Variants in MAN2C1 observed in about 807,000 individuals in gnomAD.
The protein encoded by MAN2C1 is mannosidase alpha class 2C member 1.
MAN2C1 carries 111 observed loss-of-function variants against 126.9 expected under a neutral mutation model. That is an observed-to-expected ratio of 0.87 (90% CI 0.75 to 1.02). The LOEUF is 1.02. Ranked by LOEUF, MAN2C1 falls within the 50% of genes least tolerant of loss-of-function variation. MAN2C1 has a pLI of 0.00. For synonymous variants in MAN2C1, 567 were observed against 561.5 expected, an observed-to-expected ratio of 1.01 and a Z score of -0.14; for missense variants, 1,363 against 1,364.4, an observed-to-expected ratio of 1.00 and a Z score of 0.02.
In MAN2C1 at chr15:75,360,173, G is replaced by C. The variant is rs200769294; in HGVS notation, c.1623C>G (p.His541Gln). 1.2e-5 allele frequency: 19 copies of C among 1,612,700 alleles called. No homozygotes were observed. Among genetic ancestry groups the C allele is most frequent in the African/African-American group, 2.7e-5 (2 of 74,922 alleles). The change falls in exon 14 of 26, where the codon CAC becomes CAG. Residue 541 changes from histidine (H) to glutamine (Q), a missense_variant. Transcript: ENST00000267978. ...KGNRECERIL[H>Q]DVELLSSLAL... is the part of the protein sequence containing the mutation. ...CCAGGCTACTGAGCAGCTCCACGTCGTGCAGGATCCGCTCACATTCCCGGT... is the reference window on the plus strand; with the variant it reads ...CCAGGCTACTGAGCAGCTCCACGTCCTGCAGGATCCGCTCACATTCCCGGT...
chr15:75,361,984 C>A lies in MAN2C1; in HGVS notation c.1009-37G>T. 6.6e-7 allele frequency: 1 copy of A among 1,523,178 alleles called. No individual in the cohort carries two copies. The highest frequency in any genetic ancestry group is 9.1e-7 in the Non-Finnish European group (1 of 1,098,096). 94.4% of individuals were successfully genotyped at this position (1,523,178 alleles called of 1,614,324 possible). A position where few individuals can be genotyped will look rare whatever the true frequency, so the allele number is the denominator to read the frequency against. ...GGAAGTGGGAGGCAGCCCAGGTCAGCGCTGGACGGGGAGCAGGCAGGCGCT... is the reference window on the plus strand; with the variant it reads ...GGAAGTGGGAGGCAGCCCAGGTCAGAGCTGGACGGGGAGCAGGCAGGCGCT... On this transcript the variant is annotated intron_variant, in intron 8 of 25. Transcript: ENST00000267978. This position sits in a 1 kb window ranked among gnomAD's most constrained non-coding sequence, Gnocchi z 5.0.
In MAN2C1 at chr15:75,358,514, C is replaced by T; in HGVS notation, c.2351G>A (p.Ser784Asn). 5 of 1,613,520 alleles carry T rather than the reference C, an allele frequency of 3.1e-6. No homozygotes were observed. The highest frequency in any genetic ancestry group is 4.2e-6 in the Non-Finnish European group (5 of 1,180,022). The change falls in exon 20 of 26, where the codon AGC becomes AAC. Residue 784 changes from serine to asparagine, a missense_variant. Physicochemically the swap from Ser to Asn is conservative, Grantham distance 46. Around this residue, in one of 3 missense-constraint regions of MAN2C1, gnomAD observed 668 missense variants for 650.1 expected, o/e 1.03. Transcript: ENST00000267978. ...LLQISPNSRL[S>N]QEVVLDVGCP... ...GCCAACGTCCAGCACAACCTCCTGGCTAAGCCGACTGTTGGGGCTGATCTG... is the reference window on the plus strand; with the variant it reads ...GCCAACGTCCAGCACAACCTCCTGGTTAAGCCGACTGTTGGGGCTGATCTG...
At position 75,360,006 on chromosome 15, in the gene MAN2C1, A is replaced by G; in HGVS notation, c.1707-18T>C. 1 of 1,614,064 alleles carries G rather than the reference A, an allele frequency of 6.2e-7. No individual in the cohort carries two copies. The highest frequency in any genetic ancestry group is 1.3e-5 in the African/African-American group (1 of 75,066). On this transcript the variant is annotated intron_variant, in intron 14 of 25. Transcript: ENST00000267978. ...GAAGGAGCCTGCAGGGGCCAAGGGC[A>G]GGGATGGGAAGGCTGGGAGGGGCAG... is the stretch of plus-strand genomic sequence containing the variant.
intron 6 of MAN2C1, chr15:75,363,044 AG>A: frequency 2.4e-6 from 1 of 420,306 alleles, no homozygotes; most frequent in South Asian, 2.0e-5. Context: ...GGATCCTACG[AG>A]AAGTAGCAGG....
Position 75,356,393 on chromosome 15 carries a change from A to T in MAN2C1, c.2794T>A (p.Leu932Met), listed in dbSNP as rs778091345. 4.3e-6 allele frequency: 7 copies of T among 1,611,042 alleles called. No individual in the cohort carries two copies. The highest frequency in any genetic ancestry group is 5.9e-6 in the Non-Finnish European group (7 of 1,179,064). ...GCTGGGCTGGGGGCTGGCAGAGCCA[A>T]CAGGGGGAAGTTTAGGCTGTAGGCA... is the stretch of plus-strand genomic sequence containing the variant. Reference protein sequence around the residue: ...QAAYSLNFPLLALPAPSPAPA... With the variant: ...QAAYSLNFPLMALPAPSPAPA... Residue 932 changes from leucine to methionine, a missense_variant, in exon 24 of 26, where the codon TTG (leucine) becomes ATG (methionine). Around this residue, in one of 3 missense-constraint regions of MAN2C1, gnomAD observed 668 missense variants for 650.1 expected, o/e 1.03. Coordinates refer to ENST00000267978, the MANE Select transcript of MAN2C1 (RefSeq NM_006715.4). The surrounding 1 kb of genome is among the most constrained non-coding windows in gnomAD (Gnocchi z 5.8).
At chr15:75,367,044 T>G (rs1188855589) in intron 3 of MAN2C1, among the ~76,000 whole-genome samples, 1 of 152,160 alleles carries the variant, frequency 6.6e-6, no homozygotes, top group East Asian at 1.9e-4. Context: ...CTCTGCCTTC[T>G]TGTAGCCAGG....
rs1289677361 is a variant in MAN2C1 at position 75,361,132 on chromosome 15, G to A, written c.1374C>T (p.Leu458=). The change falls in exon 12 of 26, where the codon CTC becomes CTT. Residue 458 remains leucine, a synonymous_variant. Coordinates refer to ENST00000267978, the MANE Select transcript of MAN2C1 (RefSeq NM_006715.4). This position sits in a 1 kb window ranked among gnomAD's most constrained non-coding sequence, Gnocchi z 5.0. ...CACCACCCCCATCCCCAAAGCCAAA[G>A]AGGAAGGCACTGTGGTTGGCCCGCC... ...DKGRANHSAF[L]FGFGDGGGGP... 1.2e-6 allele frequency: 2 copies of A among 1,613,374 alleles called. No homozygotes were observed. Among genetic ancestry groups the A allele is most frequent in the African/African-American group, 1.3e-5 (1 of 74,938 alleles).
chr15:75,365,659 GCGGT>G, intron 4 of MAN2C1: 1 of 198,120 alleles, frequency 5.0e-6, no homozygotes, highest in South Asian at 6.3e-5. Context: ...CTGGGAGGCG[GCGGT>G]CGCAGTGAGC....
rs1230921911 is a variant in MAN2C1, at chr15:75,365,811, G to A, written c.422+711C>T. On this transcript the variant is annotated intron_variant, in intron 4 of 25. Transcript: ENST00000267978. ...CAAGAACATGAATACTGGGCCAGGT[G>A]CGGTGGCTCACGCCTGTAATTCCAG... is the stretch of plus-strand genomic sequence containing the variant. 1.4e-5 allele frequency: 4 copies of A among 284,636 alleles called. No individual in the cohort carries two copies. In the East Asian group the frequency reaches 4.4e-4, roughly 31 times the overall value. The allele number at this position is 284,636 out of a possible 1,614,324, so 17.6% of individuals were successfully genotyped here. A position where few individuals can be genotyped will look rare whatever the true frequency, so the allele number is the denominator to read the frequency against.
chr15:75,363,866 T>A (rs986666671), intron 6 of MAN2C1, 133 bp downstream of exon 6: 7 of 989,926 alleles, frequency 7.1e-6, no homozygotes, highest in Non-Finnish European at 1.0e-5. Flanking sequence ...CCCGGCCCCG[T>A]TTTACAGACG....
intron 21 of MAN2C1, chr15:75,357,812 G>C (rs1250250204): frequency 5.1e-6 from 1 of 196,008 alleles, no homozygotes; most frequent in Non-Finnish European, 1.1e-5. Flanking sequence ...GTAGAGACAG[G>C]GTTTCATCGT....
At chr15:75,367,004 G>T (rs1489781831) in intron 3 of MAN2C1, among the ~76,000 whole-genome samples, 1 of 152,158 alleles carries the variant, frequency 6.6e-6, no homozygotes, top group Non-Finnish European at 1.5e-5. Context: ...GGAGATATTT[G>T]CTGAGCCAGT....
In MAN2C1 at chr15:75,356,604, A is replaced by G; in HGVS notation, c.2737+2T>C. On this transcript the variant is annotated splice_donor_variant, in intron 23 of 25. Coordinates refer to ENST00000267978, the MANE Select transcript of MAN2C1 (RefSeq NM_006715.4). LOFTEE classifies it high-confidence loss of function. This position sits in a 1 kb window ranked among gnomAD's most constrained non-coding sequence, Gnocchi z 5.8. Reference sequence around the variant, plus strand: ...GAAGGCCCCACCGTCCCCAGCACTCACCCTTGTGCGGCATCAGTGCATAGG... The same window carrying G: ...GAAGGCCCCACCGTCCCCAGCACTCGCCCTTGTGCGGCATCAGTGCATAGG... 3 of 1,558,414 alleles carry G rather than the reference A, an allele frequency of 1.9e-6. No homozygotes were observed. Among genetic ancestry groups the G allele is most frequent in the Non-Finnish European group, 2.6e-6 (3 of 1,151,560 alleles).
Position 75,356,677 on chromosome 15 carries a change from G to A in MAN2C1, c.2666C>T (p.Ala889Val), listed in dbSNP as rs768526490. 7 of 1,592,428 alleles carry A rather than the reference G, an allele frequency of 4.4e-6. No individual in the cohort carries two copies. The highest frequency in any genetic ancestry group is 2.3e-5 in the East Asian group (1 of 43,600). Residue 889 changes from alanine (A) to valine (V), a missense_variant, in exon 23 of 26, where the codon GCG becomes GTG. By Grantham distance (64) the Ala-to-Val change is moderately conservative. Transcript: ENST00000267978. This position sits in a 1 kb window ranked among gnomAD's most constrained non-coding sequence, Gnocchi z 5.8. ...AGCAGTAGCGTCCGGGGCTTTAGGCGCCCGCAAGCTGGGGTGAGGAGGGCG... is the reference window on the plus strand; with the variant it reads ...AGCAGTAGCGTCCGGGGCTTTAGGCACCCGCAAGCTGGGGTGAGGAGGGCG... Reference protein sequence around the residue: ...GSILSLSLLRAPKAPDATADT... With the variant: ...GSILSLSLLRVPKAPDATADT...
At position 75,361,614 on chromosome 15, in the gene MAN2C1, T is replaced by A; in HGVS notation, c.1208A>T (p.Asn403Ile). 6.2e-7 allele frequency: 1 copy of A among 1,613,346 alleles called. No individual in the cohort carries two copies. ...LTQKLSWNLV[N>I]SFPHHTFFWE... ...CGGGGGCCTGCTTACTGGGAAGGAG[T>A]TCACCAAATTCCAGCTCAATTTCTG... Residue 403 changes from asparagine to isoleucine, a missense_variant, in exon 10 of 26, where the codon AAC becomes ATC. Asn to Ile is a moderately radical substitution (Grantham distance 149). Coordinates refer to ENST00000267978, the MANE Select transcript of MAN2C1 (RefSeq NM_006715.4). This position sits in a 1 kb window ranked among gnomAD's most constrained non-coding sequence, Gnocchi z 5.0.
rs768197739 is a variant in MAN2C1 at position 75,364,524 on chromosome 15, G to A, written c.564C>T (p.Leu188=). 17 of 1,604,326 alleles carry A rather than the reference G, an allele frequency of 1.1e-5. No homozygotes were observed. Among genetic ancestry groups the A allele is most frequent in the East Asian group, 4.5e-5 (2 of 44,330 alleles). The change falls in exon 5 of 26, where the codon CTC becomes CTT. Residue 188 remains leucine (L), a synonymous_variant. Transcript: ENST00000267978. ...CCAGCAGCAGCTCCAGATCCACCAG[G>A]AGCATGTGGACATCCCGGTGGAACA... is the stretch of plus-strand genomic sequence containing the variant. ...LAVFHRDVHM[L]LVDLELLLGI... is the part of the protein sequence containing the mutation.
chr15:75,362,270 C>T lies in MAN2C1; in HGVS notation c.1008+73G>A, dbSNP rs1470381779. On this transcript the variant is annotated intron_variant, in intron 8 of 25. Coordinates refer to ENST00000267978, the MANE Select transcript of MAN2C1 (RefSeq NM_006715.4). The surrounding 1 kb of genome is among the most constrained non-coding windows in gnomAD (Gnocchi z 4.5). ...GCCCGTGGAAACTCACCAGCAAAGC[C>T]GGGAGGGCGGGGCTACCTGAGGGAA... 12 of 1,369,060 alleles carry T rather than the reference C, an allele frequency of 8.8e-6. No homozygotes were observed. The highest frequency in any genetic ancestry group is 4.8e-5 in the South Asian group (4 of 83,220). The allele number at this position is 1,369,060 out of a possible 1,614,324, so 84.8% of individuals were successfully genotyped here.
intron 3 of MAN2C1, among the ~76,000 whole-genome samples, chr15:75,367,074 G>C (rs1420374000): frequency 6.6e-6 from 1 of 152,106 alleles, no homozygotes; most frequent in African/African-American, 2.4e-5. Context: ...CTTAACCCCA[G>C]ATTGAGAGTC....
chr15:75,366,432 G>A (rs1455948304), intron 4 of MAN2C1, 90 bp downstream of exon 4: 1 of 1,041,446 alleles, frequency 9.6e-7, no homozygotes, highest in Non-Finnish European at 1.5e-6. Context: ...GCAGAGGCGG[G>A]CTTATGAGAT....
Sources: allele counts gnomAD v4.1 joint callset (sites outside exome capture counted in the v4.1 genomes callset), GRCh38; gene constraint gnomAD v4.1.1; regional missense constraint gnomAD v4.1.1; non-coding constraint Gnocchi (gnomAD v3.1); transcripts MANE v1.5; gene names NCBI Gene and HGNC (gene_info 2026-07-23, HGNC 2026-07-21).